Variants in RGS20 observed in about 807,000 individuals in gnomAD.
RGS20 encodes the protein regulator of G protein signaling 20, also known as gz-selective GTPase-activating protein.
A neutral mutation model predicts 33.6 loss-of-function variants in RGS20; 30 were observed. The ratio of observed to expected loss-of-function variants is 0.89; its 90% CI spans 0.67 to 1.21. The LOEUF (loss-of-function observed/expected upper bound fraction) is 1.21. Among genes scored for constraint, RGS20 ranks in the 50% most tolerant of loss-of-function variants. The pLI is 0.00. For missense variants in RGS20, 472 were observed against 502.4 expected (o/e 0.94, Z 0.58); for synonymous variants, 208 against 197.9 (o/e 1.05, Z -0.43).
At chr8:53,881,006 C>G (rs770595091) in intron 2 of RGS20, 2 of 1,595,050 alleles carry the variant, frequency 1.3e-6, no homozygotes, top group Non-Finnish European at 1.7e-6. Context: ...AGAAGGCACC[C>G]GCGGGACGCA....
chr8:53,955,210 T>C (rs1274397748), intron 5 of RGS20, among the ~76,000 whole-genome samples: 1 of 151,404 alleles, frequency 6.6e-6, no homozygotes, highest in East Asian at 2.0e-4. Context: ...ACTGTGGACT[T>C]GCAGAGGGCT....
At chr8:53,906,198 G>A (rs910884371) in intron 2 of RGS20, among the ~76,000 whole-genome samples, 12 of 151,848 alleles carry the variant, frequency 7.9e-5, no homozygotes, top group African/African-American at 2.9e-4. Flanking sequence ...GGCGGATCAC[G>A]ACCTCGTCCC....
At chr8:53,921,616 G>A (rs1483522803) in intron 2 of RGS20, among the ~76,000 whole-genome samples, 2 of 151,566 alleles carry the variant, frequency 1.3e-5, no homozygotes, top group East Asian at 1.9e-4. Context: ...TTTCATCTAA[G>A]TTTTCTAATT....
Position 53,919,484 on chromosome 8 carries a change from G to A in RGS20, c.511-20092G>A, listed in dbSNP as rs373328588. ...AGCCTCCTGAGTAGCTGGGATTACAGGCACGTGCCACTAGGCTCTGCTTAT... is the reference window on the plus strand; with the variant it reads ...AGCCTCCTGAGTAGCTGGGATTACAAGCACGTGCCACTAGGCTCTGCTTAT... On this transcript the variant is annotated intron_variant, in intron 2 of 5. Coordinates refer to ENST00000297313, the MANE Select transcript of RGS20 (RefSeq NM_170587.4). Among the ~76,000 whole-genome samples, 5 of 152,138 alleles carry A rather than the reference G, an allele frequency of 3.3e-5. No individual in the cohort carries two copies. In the East Asian group the frequency reaches 9.6e-4, roughly 29 times the overall value.
In RGS20 at chr8:53,952,421, T is replaced by A. The variant is rs544250558; in HGVS notation, c.744-1655T>A. On this transcript the variant is annotated intron_variant, in intron 4 of 5. Coordinates refer to ENST00000297313, the MANE Select transcript of RGS20 (RefSeq NM_170587.4). Reference sequence around the variant, plus strand: ...GAAGACAACATATAGTCAACCATTTTGATAAACTTAAAAAAAAAAACTGGC... The same window carrying A: ...GAAGACAACATATAGTCAACCATTTAGATAAACTTAAAAAAAAAAACTGGC... Among the ~76,000 whole-genome samples, 32 of 151,124 alleles carry A rather than the reference T, an allele frequency of 2.1e-4. No homozygotes were observed. The South Asian group carries it at 6.8e-3, about 32-fold the overall frequency.
intron 1 of RGS20, among the ~76,000 whole-genome samples, chr8:53,867,279 T>C (rs1160965572): frequency 1.3e-5 from 2 of 152,142 alleles, no homozygotes; most frequent in Non-Finnish European, 2.9e-5. Context: ...AAAAAAAATA[T>C]TCTGAGCAAC....
chr8:53,859,061 T>C (rs1013185656), intron 1 of RGS20, among the ~76,000 whole-genome samples: 3 of 152,132 alleles, frequency 2.0e-5, no homozygotes, highest in African/African-American at 7.2e-5. Context: ...TTCTTAATTA[T>C]TGAAACTGGG....
intron 2 of RGS20, among the ~76,000 whole-genome samples, chr8:53,926,699 G>A (rs1813807516): frequency 6.6e-6 from 1 of 152,246 alleles, no homozygotes; most frequent in South Asian, 2.1e-4. Context: ...ATCACTTGAG[G>A]TCAGGAATTC....
chr8:53,883,100 A>T (rs1026606210), intron 2 of RGS20, among the ~76,000 whole-genome samples: 2 of 150,470 alleles, frequency 1.3e-5, no homozygotes, highest in African/African-American at 4.9e-5. Context: ...TCCAAACCTA[A>T]TTTTTTTGGG....
chr8:53,901,509 G>A (rs541635799), intron 2 of RGS20, among the ~76,000 whole-genome samples: 2 of 152,158 alleles, frequency 1.3e-5, no homozygotes, highest in Non-Finnish European at 2.9e-5. Context: ...TTAGAAGTAA[G>A]GTAGGTGTCT....
rs760318912 is a variant in RGS20, at chr8:53,879,380, G to A, written c.288G>A (p.Glu96=). ...ACCTTCTCCGGCGACCCCCTCCCGA[G>A]GCTCCCCGGAGGCGCCTGGACTTCT... is the stretch of plus-strand genomic sequence containing the variant. The change falls in exon 2 of 6, where the codon GAG becomes GAA. Residue 96 remains glutamate, a synonymous_variant. Coordinates refer to ENST00000297313, the MANE Select transcript of RGS20 (RefSeq NM_170587.4). The A allele has an allele frequency of 5.0e-6, 8 of 1,611,338 alleles. No homozygotes were observed. Among genetic ancestry groups the A allele is most frequent in the Non-Finnish European group, 5.9e-6 (7 of 1,179,820 alleles).
chr8:53,953,273 C>A (rs1814762271), intron 4 of RGS20, among the ~76,000 whole-genome samples: 1 of 152,188 alleles, frequency 6.6e-6, no homozygotes, highest in South Asian at 2.1e-4. Flanking sequence ...GTAATCCCAG[C>A]ACTCTGGGAG....
intron 2 of RGS20, among the ~76,000 whole-genome samples, chr8:53,881,624 G>T (rs1289231883): frequency 6.6e-6 from 1 of 152,150 alleles, no homozygotes; most frequent in Non-Finnish European, 1.5e-5. Flanking sequence ...CAGGGGCACC[G>T]AGGGGCAGGG....
chr8:53,881,283 C>A (rs1486308149), intron 2 of RGS20, among the ~76,000 whole-genome samples, 199 bp downstream of exon 1: 1 of 148,648 alleles, frequency 6.7e-6, no homozygotes, highest in Non-Finnish European at 1.5e-5. Flanking sequence ...GCTGCGAGTG[C>A]GTCCGCGTGC....
chr8:53,909,249 A>G (rs1199768687), intron 2 of RGS20, among the ~76,000 whole-genome samples: 1 of 111,642 alleles, frequency 9.0e-6, no homozygotes, highest in African/African-American at 3.4e-5. Context: ...ATATATATAT[A>G]TATATACTTT....
At chr8:53,948,035 GTATA>G (rs1585956639) in intron 4 of RGS20, among the ~76,000 whole-genome samples, 1 of 130,862 alleles carries the variant, frequency 7.6e-6, no homozygotes, top group East Asian at 2.2e-4. Flanking sequence ...CTATATATAA[GTATA>G]TATGCTATAT....
chr8:53,861,614 A>T (rs113026339), intron 1 of RGS20, among the ~76,000 whole-genome samples: 1 of 152,170 alleles, frequency 6.6e-6, no homozygotes, highest in African/African-American at 2.4e-5. Context: ...ATCTGTGACC[A>T]TTTGCCCAGA....
At chr8:53,919,974 T>C (rs1188095880) in intron 2 of RGS20, among the ~76,000 whole-genome samples, 9 of 152,144 alleles carry the variant, frequency 5.9e-5, no homozygotes, top group Non-Finnish European at 1.5e-5. Context: ...TTCTGGGCTA[T>C]GTGATCCTCC....
At chr8:53,866,165 G>A (rs550598664) in intron 1 of RGS20, among the ~76,000 whole-genome samples, 3 of 152,234 alleles carry the variant, frequency 2.0e-5, no homozygotes, top group African/African-American at 7.2e-5. Flanking sequence ...CAAAGTCCCA[G>A]GAATGAGAAT....
Sources: gnomAD v4.1 joint callset for allele counts (sites outside exome capture counted in the v4.1 genomes callset) on GRCh38, gnomAD v4.1.1 for gene constraint, MANE v1.5 for transcripts, NCBI Gene and HGNC (gene_info 2026-07-23, HGNC 2026-07-21) for gene names.